Variants in CSMD1 observed in about 807,000 individuals in gnomAD.
The protein encoded by CSMD1 is CUB and sushi domain-containing protein 1.
In CSMD1, 213 loss-of-function variants were observed where a neutral mutation model predicts 417.5. That is an observed-to-expected ratio of 0.51 (90% confidence interval 0.46 to 0.57). CSMD1 has a LOEUF of 0.57. CSMD1 is among the 20% of genes least tolerant of loss of function. The pLI, the probability that CSMD1 is intolerant of heterozygous loss-of-function variation, is 0.00. For synonymous variants in CSMD1, 2,862 were observed against 1,736.8 expected, an observed-to-expected ratio of 1.65 and a Z score of -16.11; for missense variants, 6,923 against 4,529.7, an observed-to-expected ratio of 1.53 and a Z score of -15.17.
intron 1 of CSMD1, among the ~76,000 whole-genome samples, chr8:4,966,490 T>C (rs548218614): frequency 3.2e-4 from 48 of 152,134 alleles, no homozygotes; most frequent in Non-Finnish European, 2.4e-4. Flanking sequence ...ATGGGACACA[T>C]CGCGAGGCCC....
chr8:4,453,996 TA>T (rs1479276365), intron 2 of CSMD1, among the ~76,000 whole-genome samples: 1 of 151,650 alleles, frequency 6.6e-6, no homozygotes, highest in Non-Finnish European at 1.5e-5. Flanking sequence ...TAATTTTTTG[TA>T]TTTTTTAGTA....
chr8:3,089,849 T>C (rs547880291), intron 48 of CSMD1, among the ~76,000 whole-genome samples: 1 of 152,254 alleles, frequency 6.6e-6, no homozygotes, highest in Non-Finnish European at 1.5e-5. Flanking sequence ...TGACAACAAA[T>C]AAAATACCTT....
intron 1 of CSMD1, among the ~76,000 whole-genome samples, chr8:4,700,354 T>C (rs1034297227): frequency 2.2e-4 from 34 of 152,060 alleles, no homozygotes; most frequent in African/African-American, 6.5e-4. Context: ...ATACATATTA[T>C]AAAAATATTA....
chr8:4,080,234 C>T (rs1448240443), intron 3 of CSMD1, among the ~76,000 whole-genome samples: 1 of 151,988 alleles, frequency 6.6e-6, no homozygotes, highest in Non-Finnish European at 1.5e-5. Flanking sequence ...CCTTAAAACC[C>T]ATCATCACTG....
At chr8:4,287,155 G>T (rs1418714548) in intron 3 of CSMD1, among the ~76,000 whole-genome samples, 1 of 152,174 alleles carries the variant, frequency 6.6e-6, no homozygotes, top group Non-Finnish European at 1.5e-5. Context: ...GAACTATGTG[G>T]ACAGATTCTG....
At chr8:4,742,573 T>C (rs1404214481) in intron 1 of CSMD1, among the ~76,000 whole-genome samples, 1 of 152,118 alleles carries the variant, frequency 6.6e-6, no homozygotes. Flanking sequence ...AGAAATGTTT[T>C]TTTATTTAGC....
In CSMD1 at chr8:4,032,115, A is replaced by G. The variant is rs779235919; in HGVS notation, c.416-16T>C. ...CTAGGTAAAACTATTGGAAAAAGAA[A>G]AGAAAGGAGAAAAAACAAGTTAAAT... On this transcript the variant is annotated splice_polypyrimidine_tract_variant and intron_variant, in intron 3 of 69. Transcript: ENST00000635120. 1.9e-5 allele frequency: 30 copies of G among 1,576,112 alleles called. 1 individual carries two copies. The highest frequency in any genetic ancestry group is 3.4e-4 in the Middle Eastern group (2 of 5,884).
At chr8:4,958,186 C>T (rs1054342218) in intron 1 of CSMD1, among the ~76,000 whole-genome samples, 11 of 152,150 alleles carry the variant, frequency 7.2e-5, no homozygotes, top group African/African-American at 2.7e-4. Context: ...TTGTGTTTAA[C>T]ATACTCTGTT....
chr8:3,189,346 T>A (rs1461102320), intron 34 of CSMD1, among the ~76,000 whole-genome samples: 2 of 152,154 alleles, frequency 1.3e-5, no homozygotes, highest in Non-Finnish European at 2.9e-5. Context: ...CTTGGCAGAG[T>A]TTTCTCTTCT....
intron 52 of CSMD1, among the ~76,000 whole-genome samples, chr8:3,017,806 T>TAAC (rs1808975652): frequency 1.3e-5 from 1 of 76,484 alleles, no homozygotes; most frequent in Non-Finnish European, 2.5e-5. Context: ...TTGAGTGATT[T>TAAC]AAAAAAAAAA....
intron 5 of CSMD1, among the ~76,000 whole-genome samples, chr8:3,960,318 T>C (rs976097134): frequency 1.1e-4 from 16 of 152,194 alleles, no homozygotes; most frequent in African/African-American, 3.9e-4. Context: ...ACCTTTAAAG[T>C]ACATTAAACT....
chr8:4,331,786 T>C (rs1477506620), intron 3 of CSMD1, among the ~76,000 whole-genome samples: 1 of 152,232 alleles, frequency 6.6e-6, no homozygotes, highest in Non-Finnish European at 1.5e-5. Context: ...GAGAGGTTTT[T>C]GTATTTGACT....
chr8:4,184,468 C>T (rs1480622945), intron 3 of CSMD1, among the ~76,000 whole-genome samples: 1 of 152,134 alleles, frequency 6.6e-6, no homozygotes, highest in Admixed American at 6.5e-5. Flanking sequence ...ACCTCAAAGG[C>T]CACCAATGGC....
At chr8:4,716,597 T>C (rs947904800) in intron 1 of CSMD1, among the ~76,000 whole-genome samples, 3 of 152,180 alleles carry the variant, frequency 2.0e-5, no homozygotes, top group African/African-American at 7.2e-5. Flanking sequence ...CTTATAGAAA[T>C]GAGTAGCAGA....
intron 62 of CSMD1, among the ~76,000 whole-genome samples, chr8:2,960,127 C>T (rs1192566099): frequency 1.3e-5 from 2 of 152,172 alleles, no homozygotes; most frequent in Non-Finnish European, 2.9e-5. Flanking sequence ...CTTAGTGAAT[C>T]AGTGAGAGCG....
chr8:4,937,802 ACAC>A (rs1269557953), intron 1 of CSMD1, among the ~76,000 whole-genome samples: 2 of 152,108 alleles, frequency 1.3e-5, no homozygotes, highest in African/African-American at 2.4e-5. Flanking sequence ...ACACACACAC[ACAC>A]AACTACAAAG....
chr8:4,289,688 A>G (rs569219998), intron 3 of CSMD1, among the ~76,000 whole-genome samples: 3 of 152,088 alleles, frequency 2.0e-5, no homozygotes, highest in African/African-American at 4.8e-5. Flanking sequence ...CATGAGCAAA[A>G]CTTTCAGCTT....
At chr8:3,109,216 G>C (rs1306522640) in intron 43 of CSMD1, among the ~76,000 whole-genome samples, 2 of 152,246 alleles carry the variant, frequency 1.3e-5, no homozygotes, top group Admixed American at 6.5e-5. Flanking sequence ...AGTGAGCCAA[G>C]ATCGCGCCAC....
At chr8:4,961,874 T>G (rs1446671836) in intron 1 of CSMD1, among the ~76,000 whole-genome samples, 1 of 138,878 alleles carries the variant, frequency 7.2e-6, no homozygotes, top group African/African-American at 2.8e-5. Context: ...TTTCATCATT[T>G]TCTAACACGT....
Sources: allele counts gnomAD v4.1 joint callset (sites outside exome capture counted in the v4.1 genomes callset), GRCh38; gene constraint gnomAD v4.1.1; transcripts MANE v1.5; gene names NCBI Gene and HGNC (gene_info 2026-07-23, HGNC 2026-07-21).